The following CCNI2 variants were observed in gnomAD, a reference collection of about 807,000 sequenced individuals.
CCNI2 encodes the protein cyclin-I2.
In CCNI2, 32 loss-of-function variants were observed where a neutral mutation model predicts 33.2. The ratio of observed to expected loss-of-function variants is 0.96; its 90% confidence interval spans 0.73 to 1.30. CCNI2 has a LOEUF of 1.30. Ranked by LOEUF, CCNI2 falls within the 50% of genes most tolerant of loss-of-function variation. The probability of loss-of-function intolerance (pLI) is 0.00; values close to 1 mark genes in which losing one functional copy is unlikely to be tolerated. For synonymous variants in CCNI2, 231 were observed against 219.9 expected (o/e 1.05, Z -0.45); for missense variants, 452 against 486.2 (o/e 0.93, Z 0.66).
rs1390438155 is a variant in CCNI2 at position 132,754,339 on chromosome 5, GC to G, written c.*1372del. On this transcript the variant is annotated 3_prime_UTR_variant, in exon 6 of 6. Coordinates refer to ENST00000378731, the MANE Select transcript of CCNI2 (RefSeq NM_001039780.4). The stretch of plus-strand genomic sequence containing the variant: ...CAGCTTCCAGTGGTGGCCGTTGAGT[GC>G]CCTCTGCCTCCTTCCTTCCAGTGTA... 9.9e-6 allele frequency: 7 copies of G among 708,646 alleles called. No homozygotes were observed. The highest frequency in any genetic ancestry group is 1.8e-5 in the Non-Finnish European group (7 of 380,390). The allele number at this position is 708,646 out of a possible 1,614,324, so 43.9% of individuals were successfully genotyped here. A position where few individuals can be genotyped will look rare whatever the true frequency, so the allele number is the denominator to read the frequency against.
At position 132,747,494 on chromosome 5, in the gene CCNI2, A is replaced by T; in HGVS notation, c.-2A>T. 6.8e-7 allele frequency: 1 copy of T among 1,470,068 alleles called. No individual in the cohort carries two copies. The highest frequency in any genetic ancestry group is 8.9e-7 in the Non-Finnish European group (1 of 1,117,658). The allele number at this position is 1,470,068 out of a possible 1,614,324, so 91.1% of individuals were successfully genotyped here. A position where few individuals can be genotyped will look rare whatever the true frequency, so the allele number is the denominator to read the frequency against. On this transcript the variant is annotated 5_prime_UTR_variant, in exon 1 of 6. Transcript: ENST00000378731. The surrounding 1 kb of genome is among the most constrained non-coding windows in gnomAD (Gnocchi z 4.1). ...ACTCAGACTCAGGATCCCGCTCACG[A>T]CATGGCCTCGGGCGCTCAGCTCCCG...
intron 2 of CCNI2, 60 bp downstream of exon 2, chr5:132,748,535 C>T: frequency 6.3e-7 from 1 of 1,597,330 alleles, no homozygotes. Context: ...CCTTTGCTCC[C>T]CATTCCTGCT....
At chr5:132,749,514 T>C in intron 3 of CCNI2, 92 bp downstream of exon 3, 5 of 1,035,864 alleles carry the variant, frequency 4.8e-6, no homozygotes, top group Admixed American at 1.8e-5. Flanking sequence ...TCTGTGCCCT[T>C]AGGTATGGTG....
At chr5:132,750,836 C>T (rs1279611157) in intron 3 of CCNI2, 21 bp from the exon 4 acceptor site, 8 of 1,611,738 alleles carry the variant, frequency 5.0e-6, no homozygotes, top group Non-Finnish European at 6.8e-6. Flanking sequence ...GGGCTTTGGC[C>T]TCTTTATTTT....
At position 132,754,081 on chromosome 5, in the gene CCNI2, T is replaced by C. The variant is rs1405160744; in HGVS notation, c.*1111T>C. ...AGATATACTATAATTGTCTATATTA[T>C]AGAGTTAGTATACATCTGTATTTTT... On this transcript the variant is annotated 3_prime_UTR_variant, in exon 6 of 6. Transcript: ENST00000378731. 2.1e-5 allele frequency: 5 copies of C among 240,578 alleles called. No homozygotes were observed. The highest frequency in any genetic ancestry group is 3.3e-5 in the Non-Finnish European group (4 of 122,890). The allele number at this position is 240,578 out of a possible 1,614,324, so 14.9% of individuals were successfully genotyped here.
At chr5:132,752,329 G>A in intron 5 of CCNI2, 133 bp downstream of exon 5, 1 of 1,094,216 alleles carries the variant, frequency 9.1e-7, no homozygotes, top group Non-Finnish European at 1.3e-6. Flanking sequence ...GAAAGAGTCT[G>A]CCCAAAGGCT....
rs1754636532 is a variant in CCNI2 at position 132,747,442 on chromosome 5, G to C, written c.-54G>C. ...CCAGGCTGCAGTGTTCCGGGAGCTG[G>C]GTTATAAAATGCCGGGTTAAGCGGC... On this transcript the variant is annotated 5_prime_UTR_variant, in exon 1 of 6. Transcript: ENST00000378731. The surrounding 1 kb of genome is among the most constrained non-coding windows in gnomAD (Gnocchi z 4.1). The C allele has an allele frequency of 7.3e-7, 1 of 1,373,368 alleles. No homozygotes were observed. Among genetic ancestry groups the C allele is most frequent in the African/African-American group, 1.5e-5 (1 of 65,650 alleles). 85.1% of individuals were successfully genotyped at this position (1,373,368 alleles called of 1,614,324 possible).
downstream of CCNI2, chr5:132,756,027 G>GT (rs1428513058): frequency 2.0e-6 from 2 of 985,028 alleles, no homozygotes; most frequent in Non-Finnish European, 2.4e-6. Flanking sequence ...AAAATTTAAT[G>GT]AAAAAAATAA....
In CCNI2 at chr5:132,750,889, C is replaced by T; in HGVS notation, c.666C>T (p.His222=). ...FIPQVKDFTK[H]YGSDYSPNEL... is the part of the protein sequence containing the mutation. Reference sequence around the variant, plus strand: ...CACAAGTAAAAGACTTCACAAAGCACTATGGCTCTGACTATTCCCCGAATG... The same window carrying T: ...CACAAGTAAAAGACTTCACAAAGCATTATGGCTCTGACTATTCCCCGAATG... Residue 222 remains histidine, a synonymous_variant, in exon 4 of 6, where the codon CAC becomes CAT. Transcript: ENST00000378731. The T allele has an allele frequency of 1.9e-6, 3 of 1,614,260 alleles. No individual in the cohort carries two copies. Among genetic ancestry groups the T allele is most frequent in the Non-Finnish European group, 2.5e-6 (3 of 1,180,048 alleles).
intron 4 of CCNI2, 38 bp from the exon 5 acceptor site, chr5:132,751,928 G>A (rs757697071): frequency 1.3e-6 from 2 of 1,563,884 alleles, no homozygotes; most frequent in South Asian, 2.3e-5. Context: ...GAAAAGTATG[G>A]CGTTTTCTGT....
Position 132,748,456 on chromosome 5 carries a change from G to A in CCNI2, c.539G>A (p.Arg180His), listed in dbSNP as rs201156649. The change falls in exon 2 of 6, where the codon CGC becomes CAC. Residue 180 changes from arginine to histidine, a missense_variant. Physicochemically the swap from Arg to His is conservative, Grantham distance 29. Coordinates refer to ENST00000378731, the MANE Select transcript of CCNI2 (RefSeq NM_001039780.4). ...TFNLALTIFG[R>H]LLISVKVKEK... ...AACCTGGCCCTCACCATCTTTGGCC[G>A]CCTCCTGATTTCAGTGAAGGTAGGG... 2 of 1,614,108 alleles carry A rather than the reference G, an allele frequency of 1.2e-6. No individual in the cohort carries two copies. Among genetic ancestry groups the A allele is most frequent in the Non-Finnish European group, 8.5e-7 (1 of 1,179,988 alleles).
In CCNI2 at chr5:132,753,173, G is replaced by A; in HGVS notation, c.*203G>A. The A allele has an allele frequency of 1.7e-6, 1 of 582,712 alleles. No individual in the cohort carries two copies. Among genetic ancestry groups the A allele is most frequent in the Non-Finnish European group, 3.1e-6 (1 of 326,918 alleles). The allele number at this position is 582,712 out of a possible 1,614,324, so 36.1% of individuals were successfully genotyped here. A position where few individuals can be genotyped will look rare whatever the true frequency, so the allele number is the denominator to read the frequency against. On this transcript the variant is annotated 3_prime_UTR_variant, in exon 6 of 6. Transcript: ENST00000378731. ...GGCAGGCTGAGGTCAGTAGAGGTCA[G>A]GGTGGTCTGATAGACTATGACCCTG... is the stretch of plus-strand genomic sequence containing the variant.
At chr5:132,752,753 G>A in intron 5 of CCNI2, 113 bp from the exon 6 acceptor site, 1 of 761,860 alleles carries the variant, frequency 1.3e-6, no homozygotes, top group Non-Finnish European at 2.2e-6. Flanking sequence ...GTCCTTAGTT[G>A]GGTGGTTGGA....
chr5:132,752,061 G>A lies in CCNI2; in HGVS notation c.870G>A (p.Leu290=). ...ACGTCGCATCCCTGACCAGGCAGCT[G>A]CAGCACTGTATGGCGGGCCACCAGC... The part of the protein sequence containing the change: ...SLHVASLTRQ[L]QHCMAGHQLL... The change falls in exon 5 of 6, where the codon CTG becomes CTA. Residue 290 remains leucine (L), a synonymous_variant. Coordinates refer to ENST00000378731, the MANE Select transcript of CCNI2 (RefSeq NM_001039780.4). The A allele has an allele frequency of 6.2e-7, 1 of 1,609,970 alleles. No individual in the cohort carries two copies. Among genetic ancestry groups the A allele is most frequent in the African/African-American group, 1.3e-5 (1 of 75,006 alleles).
intron 3 of CCNI2, among the ~76,000 whole-genome samples, chr5:132,749,715 CAG>C (rs1003277653): frequency 3.9e-5 from 6 of 152,158 alleles, no homozygotes; most frequent in African/African-American, 1.4e-4. Context: ...TCTCTCTAAA[CAG>C]GGGCATCTGC....
chr5:132,752,214 C>G lies in CCNI2; in HGVS notation c.1005+18C>G. On this transcript the variant is annotated intron_variant, in intron 5 of 5. Coordinates refer to ENST00000378731, the MANE Select transcript of CCNI2 (RefSeq NM_001039780.4). ...AAGCACAGGTAGACATCAACTTTGC[C>G]CCAGACCAGGCTCTGTGTTTTGCCC... 1 of 1,551,428 alleles carries G rather than the reference C, an allele frequency of 6.4e-7. No homozygotes were observed. Among genetic ancestry groups the G allele is most frequent in the East Asian group, 2.4e-5 (1 of 42,224 alleles).
At position 132,750,903 on chromosome 5, in the gene CCNI2, A is replaced by G. The variant is rs771530528; in HGVS notation, c.680A>G (p.Tyr227Cys). 7 of 1,614,150 alleles carry G rather than the reference A, an allele frequency of 4.3e-6. No individual in the cohort carries two copies. Among genetic ancestry groups the G allele is most frequent in the Admixed American group, 1.7e-5 (1 of 60,012 alleles). ...TTCACAAAGCACTATGGCTCTGACT[A>G]TTCCCCGAATGAGCTGCTGAGGATG... ...KDFTKHYGSD[Y>C]SPNELLRMEL... The change falls in exon 4 of 6, where the codon TAT (tyrosine) becomes TGT (cysteine). Residue 227 changes from tyrosine (Y) to cysteine (C), a missense_variant. Transcript: ENST00000378731.
At chr5:132,748,223 A>G in intron 1 of CCNI2, 124 bp from the exon 2 acceptor site, 13 of 1,335,952 alleles carry the variant, frequency 9.7e-6, no homozygotes, top group Non-Finnish European at 1.2e-5. Flanking sequence ...CCCAGCGGGC[A>G]TGCAGAGGAA....
chr5:132,748,600 C>A, intron 2 of CCNI2, 125 bp downstream of exon 2: 1 of 1,184,930 alleles, frequency 8.4e-7, no homozygotes, highest in Non-Finnish European at 1.2e-6. Context: ...CTAACTTGCT[C>A]CGAGTGGAAG....
Sources: gnomAD v4.1 joint callset for allele counts (sites outside exome capture counted in the v4.1 genomes callset) on GRCh38, gnomAD v4.1.1 for gene constraint, Gnocchi (gnomAD v3.1) non-coding constraint, MANE v1.5 for transcripts, NCBI Gene and HGNC (gene_info 2026-07-23, HGNC 2026-07-21) for gene names.